PRKCA: variants seen among roughly 807,000 people sequenced by gnomAD.
PRKCA encodes the protein protein kinase C alpha, also known as protein kinase C alpha type.
PRKCA carries 27 observed loss-of-function variants against 87.0 expected under a neutral mutation model. The observed-to-expected ratio is 0.31, with a 90% confidence interval of 0.23 to 0.43. The LOEUF is 0.43. Ranked by LOEUF, PRKCA falls within the 20% of genes least tolerant of loss-of-function variation. The pLI is 1.00. For synonymous variants in PRKCA, 329 were observed against 311.1 expected (o/e 1.06, Z -0.61); for missense variants, 518 against 852.3 (o/e 0.61, Z 4.88).
At chr17:66,798,437 GTGGTGGTGGTGGTGAC>G (rs1975737834) in intron 16 of PRKCA, among the ~76,000 whole-genome samples, 1 of 93,092 alleles carries the variant, frequency 1.1e-5, no homozygotes, top group Non-Finnish European at 2.1e-5. Flanking sequence ...GGTGGTGACG[GTGGTGGTGGTGGTGAC>G]GGTGGTGGTG....
intron 3 of PRKCA, among the ~76,000 whole-genome samples, chr17:66,620,604 G>A (rs1598820524): frequency 6.6e-6 from 1 of 152,296 alleles, no homozygotes; most frequent in East Asian, 1.9e-4. Context: ...AAAATGAATG[G>A]CTTTTGGTCA....
chr17:66,405,985 A>C (rs559687527), intron 2 of PRKCA, among the ~76,000 whole-genome samples: 1 of 152,286 alleles, frequency 6.6e-6, no homozygotes, highest in East Asian at 1.9e-4. Flanking sequence ...TTTCATTAAA[A>C]AATGTGGCTT....
intron 2 of PRKCA, among the ~76,000 whole-genome samples, chr17:66,348,532 C>T (rs72846606): frequency 0.045 from 6,795 of 152,278 alleles, 219 homozygotes; most frequent in Admixed American, 0.076. Flanking sequence ...CTTTGAGGCA[C>T]ACTTTGATTT....
chr17:66,354,023 G>T (rs1203993770), intron 2 of PRKCA, among the ~76,000 whole-genome samples: 1 of 152,228 alleles, frequency 6.6e-6, no homozygotes, highest in South Asian at 2.1e-4. Flanking sequence ...AGTTTATCTT[G>T]AAATTTTATG....
At chr17:66,643,705 G>A (rs936101869) in intron 4 of PRKCA, among the ~76,000 whole-genome samples, 46 of 151,868 alleles carry the variant, frequency 3.0e-4, no homozygotes, top group African/African-American at 1.1e-3. Context: ...CTGGAGACAG[G>A]AGGAGAGCAA....
chr17:66,431,297 G>A (rs766100336), intron 2 of PRKCA, among the ~76,000 whole-genome samples: 2 of 152,138 alleles, frequency 1.3e-5, no homozygotes, highest in African/African-American at 2.4e-5. Flanking sequence ...ATTTATTAGG[G>A]CTATTTAATA....
At chr17:66,582,929 A>G (rs922729879) in intron 3 of PRKCA, among the ~76,000 whole-genome samples, 13 of 152,306 alleles carry the variant, frequency 8.5e-5, no homozygotes, top group Middle Eastern at 6.8e-3. Flanking sequence ...GGGGCCAGAT[A>G]GTCTGGTGGA....
rs553302686 is a variant in PRKCA at position 66,765,382 on chromosome 17, C to G, written c.1525-8605C>G. ...GAGCCGAGATCGTGTCATCGTGTCA[C>G]TGCATTCCGGCCTGGTCGACAGAGC... On this transcript the variant is annotated intron_variant, in intron 13 of 16. Transcript: ENST00000413366. Among the ~76,000 whole-genome samples the G allele has an allele frequency of 6.7e-5, 9 of 134,050 alleles. No individual in the cohort carries two copies. The South Asian group carries it at 2.2e-3, about 32-fold the overall frequency. 87.9% of individuals were successfully genotyped at this position (134,050 alleles called of 152,430 possible).
chr17:66,655,892 T>C (rs1436738690), intron 5 of PRKCA, among the ~76,000 whole-genome samples: 2 of 152,182 alleles, frequency 1.3e-5, no homozygotes, highest in Non-Finnish European at 2.9e-5. Flanking sequence ...GAGAAACATC[T>C]ATCAGCTAAG....
chr17:66,506,148 T>C (rs1173266319), intron 3 of PRKCA, among the ~76,000 whole-genome samples: 2 of 152,214 alleles, frequency 1.3e-5, no homozygotes, highest in African/African-American at 4.8e-5. Flanking sequence ...TTACAAAATT[T>C]AGCCAGGCAT....
chr17:66,586,545 T>C (rs527361535), intron 3 of PRKCA, among the ~76,000 whole-genome samples: 3 of 152,262 alleles, frequency 2.0e-5, no homozygotes, highest in African/African-American at 7.2e-5. Flanking sequence ...GGACCAGTAA[T>C]TGGTCCCTTT....
chr17:66,528,240 A>AAG (rs1176954896), intron 3 of PRKCA, among the ~76,000 whole-genome samples: 1 of 151,794 alleles, frequency 6.6e-6, no homozygotes, highest in African/African-American at 2.4e-5. Context: ...AAAAAAAAAA[A>AAG]AAAAGATGCA....
intron 2 of PRKCA, among the ~76,000 whole-genome samples, chr17:66,461,869 T>C (rs73996208): frequency 0.01 from 1,362 of 135,930 alleles, 43 homozygotes; most frequent in African/African-American, 0.047. Context: ...TTCCTAACTA[T>C]CGAGGAGGAG....
At chr17:66,790,759 C>T (rs1171988274) in intron 16 of PRKCA, among the ~76,000 whole-genome samples, 3 of 152,090 alleles carry the variant, frequency 2.0e-5, no homozygotes, top group African/African-American at 2.4e-5. Context: ...TTTATTGCCA[C>T]GTTATGGCAG....
At chr17:66,398,629 G>A (rs901876248) in intron 2 of PRKCA, among the ~76,000 whole-genome samples, 5 of 152,168 alleles carry the variant, frequency 3.3e-5, no homozygotes, top group African/African-American at 9.7e-5. Flanking sequence ...GCAAGACAGA[G>A]AGGGAACAGT....
chr17:66,396,615 G>C, intron 2 of PRKCA, among the ~76,000 whole-genome samples: 1 of 143,676 alleles, frequency 7.0e-6, no homozygotes, highest in Non-Finnish European at 1.5e-5. Flanking sequence ...TGAATGTTCT[G>C]TCATTCATTC....
intron 3 of PRKCA, among the ~76,000 whole-genome samples, chr17:66,549,703 TGA>T (rs956564077): frequency 6.6e-6 from 1 of 151,648 alleles, no homozygotes; most frequent in South Asian, 2.1e-4. Context: ...CACTTGCTGA[TGA>T]GAGAGAGGAG....
intron 2 of PRKCA, among the ~76,000 whole-genome samples, chr17:66,423,809 C>G (rs1456308747): frequency 7.0e-6 from 1 of 143,326 alleles, no homozygotes; most frequent in East Asian, 1.9e-4. Context: ...TCCCTGGAGC[C>G]GAATGTGTTT....
chr17:66,399,027 G>A (rs1910848797), intron 2 of PRKCA, among the ~76,000 whole-genome samples: 1 of 151,876 alleles, frequency 6.6e-6, no homozygotes, highest in East Asian at 1.9e-4. Context: ...TTTGGCTGTA[G>A]AAAGCACAGA....
Sources: allele counts gnomAD v4.1 joint callset (sites outside exome capture counted in the v4.1 genomes callset), GRCh38; gene constraint gnomAD v4.1.1; transcripts MANE v1.5; gene names NCBI Gene and HGNC (gene_info 2026-07-23, HGNC 2026-07-21).